The following PEMT variants were observed in gnomAD, a reference collection of about 807,000 sequenced individuals.
PEMT encodes the protein phospholipid methyltransferase.
Under a neutral mutation model 27.4 loss-of-function variants are expected in PEMT, and 23 were observed. That is an observed-to-expected ratio of 0.84 (90% CI 0.60 to 1.19). The LOEUF is 1.19. Ranked by LOEUF, PEMT falls within the 50% of genes most tolerant of loss-of-function variation. The probability of loss-of-function intolerance (pLI) is 0.00; values close to 1 mark genes in which losing one functional copy is unlikely to be tolerated. For synonymous variants in PEMT, 137 were observed against 139.1 expected (o/e 0.98, Z 0.11); for missense variants, 307 against 310.1 (o/e 0.99, Z 0.07).
At chr17:17,516,352 C>T (rs913076036) in intron 3 of PEMT, among the ~76,000 whole-genome samples, 4 of 151,788 alleles carry the variant, frequency 2.6e-5, no homozygotes, top group African/African-American at 4.8e-5. Flanking sequence ...GCTTGAATTT[C>T]GGGCTTTGAC....
chr17:17,584,496 G>C (rs1475882707), intron 1 of PEMT, among the ~76,000 whole-genome samples: 1 of 151,942 alleles, frequency 6.6e-6, no homozygotes, highest in Non-Finnish European at 1.5e-5. Context: ...TTGTAGACAT[G>C]GAGTCTCACC....
intron 2 of PEMT, among the ~76,000 whole-genome samples, chr17:17,526,886 C>A (rs989976688): frequency 6.6e-6 from 1 of 152,198 alleles, no homozygotes; most frequent in Non-Finnish European, 1.5e-5. Context: ...CAGCCTCCCA[C>A]CCCACAAGGC....
intron 1 of PEMT, among the ~76,000 whole-genome samples, chr17:17,587,808 G>A (rs145576234): frequency 1.3e-5 from 2 of 152,262 alleles, no homozygotes; most frequent in Admixed American, 6.5e-5. Flanking sequence ...CTCGGGAGGC[G>A]GAGGTTGCAA....
rs1567666463 is a variant in PEMT at position 17,512,990 on chromosome 17, G to A, written c.321-336C>T. Among the ~76,000 whole-genome samples the A allele has an allele frequency of 6.6e-6, 1 of 152,202 alleles. No homozygotes were observed. The highest frequency in any genetic ancestry group is 2.4e-5 in the African/African-American group (1 of 41,434). ...TGAGCAGGCTGGATTCAGCCCGAAG[G>A]CCACCAGCTTGCAAACTCTCATCCT... On this transcript the variant is annotated intron_variant, in intron 3 of 6. Transcript: ENST00000255389. This position sits in a 1 kb window ranked among gnomAD's most constrained non-coding sequence, Gnocchi z 6.3.
chr17:17,528,685 C>T (rs1567686320), intron 2 of PEMT, among the ~76,000 whole-genome samples: 1 of 152,338 alleles, frequency 6.6e-6, no homozygotes, highest in South Asian at 2.1e-4. Context: ...ACCCTGGCCC[C>T]CCAGAACCTA....
chr17:17,590,647 A>G (rs1168981081), intron 1 of PEMT, among the ~76,000 whole-genome samples: 1 of 152,242 alleles, frequency 6.6e-6, no homozygotes, highest in Non-Finnish European at 1.5e-5. Context: ...GTGAGTGAAT[A>G]AATGCACATG....
intron 2 of PEMT, among the ~76,000 whole-genome samples, chr17:17,545,381 T>A (rs1476940631): frequency 6.6e-6 from 1 of 152,172 alleles, no homozygotes; most frequent in African/African-American, 2.4e-5. Flanking sequence ...CCTCACAGTG[T>A]TCCTGCCACC....
intron 1 of PEMT, among the ~76,000 whole-genome samples, chr17:17,588,923 T>G (rs547526353): frequency 6.6e-6 from 1 of 152,372 alleles, no homozygotes; most frequent in East Asian, 1.9e-4. Flanking sequence ...GGCACACTCC[T>G]CACCCTAACT....
intron 2 of PEMT, among the ~76,000 whole-genome samples, chr17:17,554,649 T>C (rs1207915094): frequency 6.6e-6 from 1 of 151,764 alleles, no homozygotes; most frequent in African/African-American, 2.4e-5. Flanking sequence ...AGTGTCTCGC[T>C]CTGTCTCCCA....
chr17:17,585,953 G>A (rs1272035232), intron 1 of PEMT, among the ~76,000 whole-genome samples: 1 of 151,572 alleles, frequency 6.6e-6, no homozygotes. Context: ...CGTGGTGGCA[G>A]GCGCCTGTAG....
intron 2 of PEMT, among the ~76,000 whole-genome samples, chr17:17,555,565 G>T (rs1052351495): frequency 6.6e-6 from 1 of 152,364 alleles, no homozygotes. Flanking sequence ...TCACACCTGA[G>T]TGAGTCTGAA....
chr17:17,539,402 T>C (rs1464611419), intron 2 of PEMT, among the ~76,000 whole-genome samples: 2 of 152,146 alleles, frequency 1.3e-5, no homozygotes, highest in Non-Finnish European at 2.9e-5. Flanking sequence ...ACTCCTGTCC[T>C]GTGTTCCATC....
At chr17:17,567,400 CAG>C (rs1027236657) in intron 2 of PEMT, among the ~76,000 whole-genome samples, 1 of 152,286 alleles carries the variant, frequency 6.6e-6, no homozygotes, top group Admixed American at 6.5e-5. Context: ...CAGCAGCACA[CAG>C]AGTAATGCTG....
At chr17:17,574,771 A>G (rs542073387) in intron 2 of PEMT, among the ~76,000 whole-genome samples, 2 of 152,298 alleles carry the variant, frequency 1.3e-5, no homozygotes, top group East Asian at 3.9e-4. Flanking sequence ...AGGACCTGCT[A>G]TGCATTCAGC....
intron 2 of PEMT, among the ~76,000 whole-genome samples, chr17:17,539,807 CT>C (rs1433228954): frequency 6.6e-6 from 1 of 152,242 alleles, no homozygotes; most frequent in African/African-American, 2.4e-5. Context: ...GACTCCACCC[CT>C]GTATCACCAC....
At chr17:17,557,570 C>T (rs558116683) in intron 2 of PEMT, among the ~76,000 whole-genome samples, 11 of 152,334 alleles carry the variant, frequency 7.2e-5, no homozygotes, top group African/African-American at 2.6e-4. Context: ...CAACTTCCTG[C>T]TCATGGCCAA....
At chr17:17,570,656 A>C in intron 2 of PEMT, 1 of 985,438 alleles carries the variant, frequency 1.0e-6, no homozygotes, top group Non-Finnish European at 1.2e-6. Context: ...GGGATGACTG[A>C]GGATACAGGT....
intron 2 of PEMT, among the ~76,000 whole-genome samples, chr17:17,558,028 C>T (rs1910184320): frequency 6.6e-6 from 1 of 152,174 alleles, no homozygotes; most frequent in African/African-American, 2.4e-5. Flanking sequence ...TCAGAGGAGC[C>T]AGCTGGAGGC....
chr17:17,560,351 G>A (rs1392055516), intron 2 of PEMT, among the ~76,000 whole-genome samples: 2 of 152,208 alleles, frequency 1.3e-5, no homozygotes, highest in Non-Finnish European at 2.9e-5. Flanking sequence ...CCCGCCACTC[G>A]CCAGCCGGGG....
Sources: gnomAD v4.1 joint callset for allele counts (sites outside exome capture counted in the v4.1 genomes callset) on GRCh38, gnomAD v4.1.1 for gene constraint, Gnocchi (gnomAD v3.1) non-coding constraint, MANE v1.5 for transcripts, NCBI Gene and HGNC (gene_info 2026-07-23, HGNC 2026-07-21) for gene names.